The following NKAIN2 variants were observed in gnomAD, a reference collection of about 807,000 sequenced individuals.
NKAIN2 encodes the protein sodium/potassium-transporting ATPase subunit beta-1-interacting protein 2.
A neutral mutation model predicts 32.6 loss-of-function variants in NKAIN2; 14 were observed. That is an observed-to-expected ratio of 0.43 (90% CI 0.28 to 0.67). NKAIN2 has a LOEUF of 0.67. NKAIN2 is among the 30% of genes least tolerant of loss of function. The probability of loss-of-function intolerance (pLI) is 0.17; values close to 1 mark genes in which losing one functional copy is unlikely to be tolerated. For missense variants in NKAIN2, 198 were observed against 258.3 expected (o/e 0.77, Z 1.60); for synonymous variants, 80 against 87.2 (o/e 0.92, Z 0.46).
chr6:124,689,995 T>C (rs1774180838), intron 4 of NKAIN2, among the ~76,000 whole-genome samples: 1 of 152,186 alleles, frequency 6.6e-6, no homozygotes, highest in Non-Finnish European at 1.5e-5. Flanking sequence ...CAAAATAATG[T>C]GCTGGCATTT....
At position 124,758,790 on chromosome 6, in the gene NKAIN2, G is replaced by A. The variant is rs373246304; in HGVS notation, c.475-32549G>A. Among the ~76,000 whole-genome samples, 8 of 152,198 alleles carry A rather than the reference G, an allele frequency of 5.3e-5. No individual in the cohort carries two copies. In the East Asian group the frequency reaches 1.4e-3, roughly 26 times the overall value. The stretch of plus-strand genomic sequence containing the variant: ...CAAATACCTCAGCCCAGAATTCAAA[G>A]CCTTGTACAATATAGCTCCAACCTC... On this transcript the variant is annotated intron_variant, in intron 4 of 6. Coordinates refer to ENST00000368417, the MANE Select transcript of NKAIN2 (RefSeq NM_001040214.3).
In NKAIN2 at chr6:123,994,249, C is replaced by T. The variant is rs562407356; in HGVS notation, c.54+189995C>T. 5.2e-4 allele frequency among the ~76,000 whole-genome samples: 78 copies of T among 150,850 alleles called. 1 individual carries two copies. Among genetic ancestry groups the T allele is most frequent in the Non-Finnish European group, 8.6e-4 (58 of 67,804 alleles). ...TGAGATAGCATCCACCAACCTGCTA[C>T]GCTTACTCTGGGGACCTTGAACGGT... On this transcript the variant is annotated intron_variant, in intron 1 of 6. Coordinates refer to ENST00000368417, the MANE Select transcript of NKAIN2 (RefSeq NM_001040214.3).
intron 1 of NKAIN2, among the ~76,000 whole-genome samples, chr6:123,882,276 T>C (rs1773490038): frequency 6.6e-6 from 1 of 151,926 alleles, no homozygotes; most frequent in African/African-American, 2.4e-5. Context: ...CCATTAATTA[T>C]GAAAAAAAAT....
intron 2 of NKAIN2, among the ~76,000 whole-genome samples, chr6:124,331,344 A>C (rs2753178): frequency 8.2e-6 from 1 of 122,552 alleles, no homozygotes; most frequent in Non-Finnish European, 1.7e-5. Flanking sequence ...TACTAAATAT[A>C]CAAAAAAAAA....
chr6:123,816,342 G>A (rs1021028617), intron 1 of NKAIN2, among the ~76,000 whole-genome samples: 5 of 152,088 alleles, frequency 3.3e-5, no homozygotes, highest in Non-Finnish European at 5.9e-5. Flanking sequence ...TCATCAAGGC[G>A]TATGTCCCAG....
chr6:124,206,028 A>G (rs1790863539), intron 1 of NKAIN2, among the ~76,000 whole-genome samples: 1 of 151,844 alleles, frequency 6.6e-6, no homozygotes, highest in Non-Finnish European at 1.5e-5. Flanking sequence ...ATAGTTTAGA[A>G]CCCCTTCTGA....
chr6:123,911,908 A>G (rs1222857301), intron 1 of NKAIN2, among the ~76,000 whole-genome samples: 1 of 149,406 alleles, frequency 6.7e-6, no homozygotes, highest in African/African-American at 2.5e-5. Context: ...CTGGGCATCA[A>G]CCAACCAATT....
At chr6:124,451,944 C>T (rs1480796890) in intron 3 of NKAIN2, among the ~76,000 whole-genome samples, 5 of 152,034 alleles carry the variant, frequency 3.3e-5, no homozygotes, top group African/African-American at 9.7e-5. Flanking sequence ...CCTGTAATCC[C>T]AGCACTTTGG....
At chr6:124,581,801 T>C (rs568440756) in intron 3 of NKAIN2, among the ~76,000 whole-genome samples, 284 of 152,262 alleles carry the variant, frequency 1.9e-3, no homozygotes, top group Non-Finnish European at 3.4e-3. Context: ...GTAAAACTTC[T>C]TGAAACAAAT....
intron 1 of NKAIN2, among the ~76,000 whole-genome samples, chr6:124,223,451 G>A (rs1187069052): frequency 6.6e-6 from 1 of 151,958 alleles, no homozygotes; most frequent in South Asian, 2.1e-4. Flanking sequence ...GGGTACCTAG[G>A]GTTTCTACCA....
At chr6:123,994,527 T>C (rs1439672433) in intron 1 of NKAIN2, among the ~76,000 whole-genome samples, 2 of 151,996 alleles carry the variant, frequency 1.3e-5, no homozygotes, top group African/African-American at 2.4e-5. Context: ...TCTCAGGACT[T>C]TTTCCCTGGG....
chr6:124,336,324 G>C (rs1239251296), intron 2 of NKAIN2, among the ~76,000 whole-genome samples: 1 of 152,100 alleles, frequency 6.6e-6, no homozygotes, highest in East Asian at 1.9e-4. Context: ...GTTTAATTTG[G>C]GGTAGGCTTG....
At chr6:124,682,498 G>A (rs1447031782) in intron 4 of NKAIN2, among the ~76,000 whole-genome samples, 1 of 152,150 alleles carries the variant, frequency 6.6e-6, no homozygotes, top group Non-Finnish European at 1.5e-5. Context: ...ACTGACAGTA[G>A]AGCCAGTGTT....
chr6:124,189,640 C>T (rs1789917753), intron 1 of NKAIN2, among the ~76,000 whole-genome samples: 1 of 152,092 alleles, frequency 6.6e-6, no homozygotes, highest in Non-Finnish European at 1.5e-5. Flanking sequence ...GAGATTGTGC[C>T]ATTGAACTCC....
intron 1 of NKAIN2, among the ~76,000 whole-genome samples, chr6:123,865,357 T>C (rs904202690): frequency 1.3e-5 from 2 of 152,130 alleles, no homozygotes; most frequent in African/African-American, 4.8e-5. Flanking sequence ...ATCTTTATTT[T>C]TAATTCATTC....
At chr6:124,817,696 A>T (rs1010905573) in intron 5 of NKAIN2, among the ~76,000 whole-genome samples, 1 of 152,220 alleles carries the variant, frequency 6.6e-6, no homozygotes, top group Non-Finnish European at 1.5e-5. Context: ...TTGTAAAAAC[A>T]TATAAAATAG....
chr6:124,354,270 T>G (rs1292291796), intron 2 of NKAIN2, among the ~76,000 whole-genome samples: 1 of 152,214 alleles, frequency 6.6e-6, no homozygotes, highest in Non-Finnish European at 1.5e-5. Context: ...TTTTAAAAAG[T>G]CACTCTCATT....
At chr6:124,686,166 A>T (rs964907751) in intron 4 of NKAIN2, among the ~76,000 whole-genome samples, 2 of 152,276 alleles carry the variant, frequency 1.3e-5, no homozygotes, top group East Asian at 3.9e-4. Context: ...ACTTCCTAAC[A>T]TAGGCAGTCC....
intron 3 of NKAIN2, among the ~76,000 whole-genome samples, chr6:124,498,358 A>T (rs1778148894): frequency 3.3e-5 from 5 of 152,192 alleles, no homozygotes; most frequent in Admixed American, 2.0e-4. Flanking sequence ...GCCTGGAAGG[A>T]AAGGACAGGG....
Sources: allele counts gnomAD v4.1 joint callset (sites outside exome capture counted in the v4.1 genomes callset), GRCh38; gene constraint gnomAD v4.1.1; transcripts MANE v1.5; gene names NCBI Gene and HGNC (gene_info 2026-07-23, HGNC 2026-07-21).